NIPSNAP1: variants seen among roughly 807,000 people sequenced by gnomAD.
NIPSNAP1 encodes the protein nipsnap homolog 1.
In NIPSNAP1, 25 loss-of-function variants were observed where a neutral mutation model predicts 49.2. The observed-to-expected ratio is 0.51, with a 90% CI of 0.37 to 0.71. The LOEUF (loss-of-function observed/expected upper bound fraction) is 0.71. Ranked by LOEUF, NIPSNAP1 falls within the 30% of genes least tolerant of loss-of-function variation. The pLI, the probability that NIPSNAP1 is intolerant of heterozygous loss-of-function variation, is 0.00. For missense variants in NIPSNAP1, 294 were observed against 361.0 expected, an observed-to-expected ratio of 0.81 and a Z score of 1.50; for synonymous variants, 143 against 140.7, an observed-to-expected ratio of 1.02 and a Z score of -0.12.
intron 1 of NIPSNAP1, among the ~76,000 whole-genome samples, chr22:29,571,200 A>G (rs1166283797): frequency 6.6e-6 from 1 of 152,096 alleles, no homozygotes; most frequent in Non-Finnish European, 1.5e-5. Flanking sequence ...TTGGGACACA[A>G]TTATAGGAGG....
intron 1 of NIPSNAP1, among the ~76,000 whole-genome samples, chr22:29,574,402 T>A (rs1444645532): frequency 2.0e-5 from 3 of 152,094 alleles, no homozygotes; most frequent in South Asian, 2.1e-4. Context: ...TGTAATTTTT[T>A]ATAAAGATTT....
chr22:29,570,763 G>C (rs577240908), intron 1 of NIPSNAP1, among the ~76,000 whole-genome samples: 13 of 152,212 alleles, frequency 8.5e-5, no homozygotes, highest in Non-Finnish European at 1.9e-4. Flanking sequence ...CAGGACGCCA[G>C]GAGAGGCAGC....
chr22:29,577,456 G>C (rs532149219), intron 1 of NIPSNAP1, among the ~76,000 whole-genome samples: 1 of 148,990 alleles, frequency 6.7e-6, no homozygotes, highest in Admixed American at 6.7e-5. Flanking sequence ...TCTCGCTCTT[G>C]TTCCCCAGGC....
At chr22:29,577,746 T>TTG (rs1467557138) in intron 1 of NIPSNAP1, among the ~76,000 whole-genome samples, 1 of 149,960 alleles carries the variant, frequency 6.7e-6, no homozygotes, top group Non-Finnish European at 1.5e-5. Context: ...TTGTTTTGTT[T>TTG]TTTTGATACG....
chr22:29,575,611 T>C (rs1043361719), intron 1 of NIPSNAP1, among the ~76,000 whole-genome samples: 6 of 152,142 alleles, frequency 3.9e-5, no homozygotes. Context: ...GAGCACGTTC[T>C]AAAACGCTAT....
Position 29,571,067 on chromosome 22 carries a change from G to A in NIPSNAP1, c.99-535C>T, listed in dbSNP as rs118167918. Among the ~76,000 whole-genome samples, 667 of 152,094 alleles carry A rather than the reference G, an allele frequency of 4.4e-3. 12 individuals carry two copies. In the Middle Eastern group the frequency reaches 0.048, roughly 11 times the overall value. On this transcript the variant is annotated intron_variant, in intron 1 of 9. Transcript: ENST00000216121. ...CTCTAACGAGAAGACTGCTCTCACC[G>A]TCCTCCCCAGCACTCTCACAGTGCA... is the stretch of plus-strand genomic sequence containing the variant.
intron 1 of NIPSNAP1, among the ~76,000 whole-genome samples, chr22:29,576,224 T>G (rs1486678912): frequency 3.3e-5 from 5 of 150,708 alleles, no homozygotes. Flanking sequence ...TTCACCATGT[T>G]GGTCAGGCTG....
Position 29,573,939 on chromosome 22 carries a change from A to AAAAACAAAACAAAAC in NIPSNAP1, c.99-3422_99-3408dup, listed in dbSNP as rs695343. Among the ~76,000 whole-genome samples the AAAAACAAAACAAAAC allele has an allele frequency of 6.7e-5, 10 of 148,308 alleles. No homozygotes were observed. In the South Asian group the frequency reaches 1.9e-3, roughly 29 times the overall value. The stretch of plus-strand genomic sequence containing the variant: ...GGGCAACAGAGCAGACCCTGTCTCA[A>AAAAACAAAACAAAAC]AAAACAAAACAAAACAAAACAAAAC... On this transcript the variant is annotated intron_variant, in intron 1 of 9. Transcript: ENST00000216121.
chr22:29,565,864 A>C (rs990772770), intron 4 of NIPSNAP1, among the ~76,000 whole-genome samples: 3 of 152,252 alleles, frequency 2.0e-5, no homozygotes, highest in African/African-American at 7.2e-5. Flanking sequence ...ACGGAAACCA[A>C]ATAATTGATT....
At position 29,570,559 on chromosome 22, in the gene NIPSNAP1, C is replaced by T. The variant is rs369569554; in HGVS notation, c.99-27G>A. On this transcript the variant is annotated intron_variant, in intron 1 of 9. Transcript: ENST00000216121. ...TGCAGGACAGAGGAGTTGAGGGGGA[C>T]GCGCGGAGGTTGGGGGAGCCCCAGC... is the stretch of plus-strand genomic sequence containing the variant. 8.5e-5 allele frequency: 137 copies of T among 1,607,076 alleles called. 1 individual carries two copies. The highest frequency in any genetic ancestry group is 4.9e-4 in the Middle Eastern group (3 of 6,066).
intron 8 of NIPSNAP1, 45 bp downstream of exon 8, chr22:29,560,687 CAG>C (rs780544409): frequency 8.1e-6 from 12 of 1,479,616 alleles, no homozygotes; most frequent in Non-Finnish European, 9.5e-7. Context: ...AGAGTGATGA[CAG>C]AGAAAGAGAA....
rs772423722 is a variant in NIPSNAP1 at position 29,555,923 on chromosome 22, G to A, written c.*12C>T. 1.4e-5 allele frequency: 21 copies of A among 1,551,132 alleles called. No individual in the cohort carries two copies. The Admixed American group carries it at 2.5e-4, about 19-fold the overall frequency. Reference sequence around the variant, plus strand: ...GAGGGAGAAGGGGAAGGAGGTGGAGGTGTAGGCAGCATCACTGCAGAGGCG... The same window carrying A: ...GAGGGAGAAGGGGAAGGAGGTGGAGATGTAGGCAGCATCACTGCAGAGGCG... On this transcript the variant is annotated 3_prime_UTR_variant, in exon 10 of 10. Transcript: ENST00000216121.
chr22:29,561,244 T>C, intron 6 of NIPSNAP1, 42 bp from the exon 7 acceptor site: 1 of 1,608,748 alleles, frequency 6.2e-7, no homozygotes, highest in Non-Finnish European at 8.5e-7. Flanking sequence ...AGCCCCCACC[T>C]CAGATTCATA....
intron 1 of NIPSNAP1, chr22:29,580,039 G>C: frequency 8.7e-6 from 11 of 1,265,516 alleles, no homozygotes; most frequent in Non-Finnish European, 1.2e-5. Flanking sequence ...TGGGCTGCAG[G>C]GCAGGAGGGA....
At chr22:29,556,188 A>G (rs962205928) in intron 9 of NIPSNAP1, among the ~76,000 whole-genome samples, 189 bp from the exon 10 acceptor site, 5 of 152,122 alleles carry the variant, frequency 3.3e-5, no homozygotes, top group Admixed American at 6.6e-5. Context: ...GGGATAAGAC[A>G]GGACTTTGGT....
intron 4 of NIPSNAP1, among the ~76,000 whole-genome samples, chr22:29,566,329 C>T (rs1248983834): frequency 6.6e-6 from 1 of 151,324 alleles, no homozygotes; most frequent in Non-Finnish European, 1.5e-5. Context: ...TTTTTAGAGA[C>T]AGGGTCCTCA....
chr22:29,578,248 C>T (rs1159982336), intron 1 of NIPSNAP1, among the ~76,000 whole-genome samples: 1 of 150,580 alleles, frequency 6.6e-6, no homozygotes, highest in Non-Finnish European at 1.5e-5. Flanking sequence ...GTTGGCCAAG[C>T]TGGTCTTGAA....
chr22:29,576,979 G>A (rs1569250072), intron 1 of NIPSNAP1, among the ~76,000 whole-genome samples: 1 of 151,102 alleles, frequency 6.6e-6, no homozygotes, highest in Non-Finnish European at 1.5e-5. Flanking sequence ...CAGGGATCAG[G>A]GGTCCTTTCC....
At position 29,576,574 on chromosome 22, in the gene NIPSNAP1, G is replaced by A. The variant is rs897725349; in HGVS notation, c.98+4411C>T. On this transcript the variant is annotated intron_variant, in intron 1 of 9. Transcript: ENST00000216121. The stretch of plus-strand genomic sequence containing the variant: ...CAAGTTTGAGAAATGAATGAAAGAG[G>A]AGCTAAGACATTCTTGCATGAAAAT... 1.3e-5 allele frequency among the ~76,000 whole-genome samples: 2 copies of A among 151,184 alleles called. 1 individual carries two copies. The highest frequency in any genetic ancestry group is 4.9e-5 in the African/African-American group (2 of 40,562).
Sources: allele counts gnomAD v4.1 joint callset (sites outside exome capture counted in the v4.1 genomes callset), GRCh38; gene constraint gnomAD v4.1.1; transcripts MANE v1.5; gene names NCBI Gene and HGNC (gene_info 2026-07-23, HGNC 2026-07-21).